Variants in EEPD1 observed in about 807,000 individuals in gnomAD.
EEPD1 encodes the protein endonuclease/exonuclease/phosphatase family domain-containing protein 1.
EEPD1 carries 17 observed loss-of-function variants against 46.3 expected under a neutral mutation model. The observed-to-expected ratio is 0.37, with a 90% CI of 0.25 to 0.55. The LOEUF (loss-of-function observed/expected upper bound fraction) is 0.55. Among genes scored for constraint, EEPD1 ranks in the 20% least tolerant of loss-of-function variants. The probability of loss-of-function intolerance (pLI) is 0.83; values close to 1 mark genes in which losing one functional copy is unlikely to be tolerated. For missense variants in EEPD1, 673 were observed against 745.6 expected (o/e 0.90, Z 1.13); for synonymous variants, 313 against 315.6 (o/e 0.99, Z 0.09).
intron 2 of EEPD1, among the ~76,000 whole-genome samples, chr7:36,163,546 A>C (rs1006055272): frequency 2.0e-5 from 3 of 152,264 alleles, no homozygotes; most frequent in African/African-American, 7.2e-5. Context: ...TTATAATCCA[A>C]AGTCTTTGCA....
At chr7:36,205,923 G>C (rs1785808290) in intron 2 of EEPD1, among the ~76,000 whole-genome samples, 1 of 152,138 alleles carries the variant, frequency 6.6e-6, no homozygotes, top group Admixed American at 6.5e-5. Flanking sequence ...CCTAAATAAG[G>C]ACAGGAATCT....
Position 36,154,397 on chromosome 7 carries a change from A to C in EEPD1, c.73A>C (p.Ser25Arg). Reference sequence around the variant, plus strand: ...GGACCTGTCCCATAGCCGCAAGTTCAGCGCAGCCTGTAACTTCAGCAACAT... The same window carrying C: ...GGACCTGTCCCATAGCCGCAAGTTCCGCGCAGCCTGTAACTTCAGCAACAT... The part of the protein sequence containing the change: ...PSDLSHSRKF[S>R]AACNFSNILV... Residue 25 changes from serine (S) to arginine (R), a missense_variant, in exon 2 of 8, where the codon AGC becomes CGC. Physicochemically the swap from Ser to Arg is moderately radical, Grantham distance 110. Transcript: ENST00000242108. The surrounding 1 kb of genome is among the most constrained non-coding windows in gnomAD (Gnocchi z 4.2). 1 of 1,614,110 alleles carries C rather than the reference A, an allele frequency of 6.2e-7. No homozygotes were observed. Among genetic ancestry groups the C allele is most frequent in the South Asian group, 1.1e-5 (1 of 91,084 alleles).
intron 3 of EEPD1, among the ~76,000 whole-genome samples, chr7:36,271,260 A>G (rs1787097504): frequency 6.6e-6 from 1 of 152,102 alleles, no homozygotes; most frequent in Non-Finnish European, 1.5e-5. Context: ...GGCATGAGCC[A>G]CCACGCCTGG....
chr7:36,269,897 G>A lies in EEPD1; in HGVS notation c.931-11218G>A, dbSNP rs191186993. Among the ~76,000 whole-genome samples the A allele has an allele frequency of 3.2e-3, 482 of 152,292 alleles. 3 individuals carry two copies. The highest frequency in any genetic ancestry group is 4.4e-3 in the Non-Finnish European group (297 of 68,028). On this transcript the variant is annotated intron_variant, in intron 3 of 7. Transcript: ENST00000242108. The stretch of plus-strand genomic sequence containing the variant: ...AGGGCATAGTGGGTGAAGTTTTATT[G>A]CTACCTTGCTAGGTGATTTTAGGAT...
chr7:36,271,343 C>T (rs1223517927), intron 3 of EEPD1, among the ~76,000 whole-genome samples: 2 of 152,084 alleles, frequency 1.3e-5, no homozygotes, highest in Non-Finnish European at 2.9e-5. Context: ...TTTTGATTTG[C>T]ATTTCTCTAA....
intron 2 of EEPD1, among the ~76,000 whole-genome samples, chr7:36,179,046 C>T (rs1306336532): frequency 6.6e-6 from 1 of 152,260 alleles, no homozygotes; most frequent in East Asian, 1.9e-4. Flanking sequence ...AAAGAAATTA[C>T]TGTGAACCAT....
chr7:36,292,678 T>G (rs1787467419), intron 6 of EEPD1, among the ~76,000 whole-genome samples: 1 of 152,058 alleles, frequency 6.6e-6, no homozygotes, highest in African/African-American at 2.4e-5. Flanking sequence ...CAGCTGATTT[T>G]TGCATCTTTA....
chr7:36,295,190 GA>G (rs1299249067), intron 6 of EEPD1, among the ~76,000 whole-genome samples: 1 of 145,282 alleles, frequency 6.9e-6, no homozygotes, highest in Admixed American at 6.8e-5. Context: ...AAGAAAAAAA[GA>G]AAAAATATGT....
At position 36,183,472 on chromosome 7, in the gene EEPD1, T is replaced by G. The variant is rs1360810392; in HGVS notation, c.878+28270T>G. On this transcript the variant is annotated intron_variant, in intron 2 of 7. Coordinates refer to ENST00000242108, the MANE Select transcript of EEPD1 (RefSeq NM_030636.3). ...CAGGAAACCCCAAAGCTGCTGCTAC[T>G]TGTGCTGTAGGGATGTTGTCAAAAC... Among the ~76,000 whole-genome samples, 12 of 152,234 alleles carry G rather than the reference T, an allele frequency of 7.9e-5. No homozygotes were observed. In the East Asian group the frequency reaches 2.3e-3, roughly 30 times the overall value.
intron 6 of EEPD1, among the ~76,000 whole-genome samples, chr7:36,290,879 T>G (rs1787418677): frequency 6.6e-6 from 1 of 152,096 alleles, no homozygotes; most frequent in African/African-American, 2.4e-5. Context: ...CCAGCCCAGG[T>G]GGGTGGCTTT....
At chr7:36,226,783 G>C (rs1198370338) in intron 2 of EEPD1, among the ~76,000 whole-genome samples, 1 of 152,136 alleles carries the variant, frequency 6.6e-6, no homozygotes, top group East Asian at 1.9e-4. Flanking sequence ...ATAGTAACAA[G>C]AAGACTGCAT....
In EEPD1 at chr7:36,286,108, A is replaced by G. The variant is rs558130244; in HGVS notation, c.1176+1288A>G. Among the ~76,000 whole-genome samples, 443 of 152,304 alleles carry G rather than the reference A, an allele frequency of 2.9e-3. 1 individual carries two copies. The highest frequency in any genetic ancestry group is 5.4e-3 in the Non-Finnish European group (367 of 68,012). On this transcript the variant is annotated intron_variant, in intron 5 of 7. Transcript: ENST00000242108. ...CCTGGGGTTATGGCCATGTAACCCT[A>G]TGGGTGATACTGATAATCCAGTATT... is the stretch of plus-strand genomic sequence containing the variant.
intron 2 of EEPD1, 142 bp downstream of exon 2, chr7:36,155,344 A>C (rs1234796657): frequency 2.9e-6 from 3 of 1,022,386 alleles, no homozygotes; most frequent in Admixed American, 3.6e-5. Flanking sequence ...CTCAGCCAAT[A>C]CCGTCACCTG....
At chr7:36,242,576 T>A (rs1786571350) in intron 3 of EEPD1, among the ~76,000 whole-genome samples, 1 of 152,064 alleles carries the variant, frequency 6.6e-6, no homozygotes, top group South Asian at 2.1e-4. Flanking sequence ...CAGTTACATT[T>A]TGAGTGACAT....
At chr7:36,165,367 C>G (rs1784965267) in intron 2 of EEPD1, among the ~76,000 whole-genome samples, 1 of 145,304 alleles carries the variant, frequency 6.9e-6, no homozygotes, top group East Asian at 2.0e-4. Context: ...AAAGTCCACT[C>G]TGTGAAGTTT....
chr7:36,252,829 C>CTTTTTTTTTTTTT (rs71553053), intron 3 of EEPD1, among the ~76,000 whole-genome samples: 1 of 54,850 alleles, frequency 1.8e-5, no homozygotes, highest in Non-Finnish European at 3.1e-5. Flanking sequence ...GTGTTCTCTC[C>CTTTTTTTTTTTTT]TTTTTTTTTT....
chr7:36,196,978 C>T (rs1448518324), intron 2 of EEPD1, among the ~76,000 whole-genome samples: 2 of 151,476 alleles, frequency 1.3e-5, no homozygotes, highest in South Asian at 2.1e-4. Flanking sequence ...AGCGTCTCTG[C>T]CCGGCCCCCC....
At chr7:36,171,821 T>C (rs1785088895) in intron 2 of EEPD1, among the ~76,000 whole-genome samples, 1 of 152,252 alleles carries the variant, frequency 6.6e-6, no homozygotes, top group Non-Finnish European at 1.5e-5. Flanking sequence ...TGTTGGTAGC[T>C]GGCATCTGAT....
At chr7:36,169,118 G>C (rs1421046162) in intron 2 of EEPD1, among the ~76,000 whole-genome samples, 2 of 152,164 alleles carry the variant, frequency 1.3e-5, no homozygotes, top group East Asian at 3.8e-4. Flanking sequence ...CCATTCATCA[G>C]GTGATGGACG....
Sources: allele counts gnomAD v4.1 joint callset (sites outside exome capture counted in the v4.1 genomes callset), GRCh38; gene constraint gnomAD v4.1.1; non-coding constraint Gnocchi (gnomAD v3.1); transcripts MANE v1.5; gene names NCBI Gene and HGNC (gene_info 2026-07-23, HGNC 2026-07-21).